Variants in FAM120B observed in about 807,000 individuals in gnomAD.
The protein encoded by FAM120B is constitutive coactivator of peroxisome proliferator-activated receptor gamma.
FAM120B carries 83 observed loss-of-function variants against 96.3 expected under a neutral mutation model. That is an observed-to-expected ratio of 0.86 (90% confidence interval 0.72 to 1.03). The LOEUF (loss-of-function observed/expected upper bound fraction) is 1.03, where lower values mean the gene tolerates loss of function less well. Ranked by LOEUF, FAM120B falls within the 50% of genes least tolerant of loss-of-function variation. The pLI, the probability that FAM120B is intolerant of heterozygous loss-of-function variation, is 0.00. For synonymous variants in FAM120B, 407 were observed against 402.7 expected (o/e 1.01, Z -0.13); for missense variants, 1,027 against 1,121.2 (o/e 0.92, Z 1.20).
At chr6:170,348,085 A>T in intron 4 of FAM120B, 66 bp from the exon 5 acceptor site, 1 of 1,291,654 alleles carries the variant, frequency 7.7e-7, no homozygotes, top group Non-Finnish European at 1.1e-6. Context: ...CTGTATTTCT[A>T]CAAGGAGCAT....
At chr6:170,385,002 C>T (rs60563581) in intron 6 of FAM120B, among the ~76,000 whole-genome samples, 16 of 152,308 alleles carry the variant, frequency 1.1e-4, no homozygotes, top group African/African-American at 2.9e-4. Context: ...CTCATCCTAA[C>T]GGACATATAG....
chr6:170,385,516 T>G (rs1790135564), intron 6 of FAM120B, among the ~76,000 whole-genome samples: 1 of 152,202 alleles, frequency 6.6e-6, no homozygotes, highest in African/African-American at 2.4e-5. Context: ...AGAAAGGTTT[T>G]TTTTATGTCA....
intron 4 of FAM120B, among the ~76,000 whole-genome samples, chr6:170,343,747 G>T (rs569217478): frequency 1.0e-3 from 154 of 152,218 alleles, no homozygotes; most frequent in Non-Finnish European, 1.8e-3. Flanking sequence ...TGGGACTGAA[G>T]AATTTGCATT....
upstream of FAM120B, among the ~76,000 whole-genome samples, chr6:170,306,071 A>AAT (rs2114985969): frequency 6.6e-6 from 1 of 152,218 alleles, no homozygotes; most frequent in East Asian, 1.9e-4. Flanking sequence ...CTCTCCTTGG[A>AAT]ATTCTCTCCC....
At position 170,363,660 on chromosome 6, in the gene FAM120B, A is replaced by T. The variant is rs183088652; in HGVS notation, c.2283+5342A>T. Among the ~76,000 whole-genome samples, 31 of 152,248 alleles carry T rather than the reference A, an allele frequency of 2.0e-4. No individual in the cohort carries two copies. Among genetic ancestry groups the T allele is most frequent in the African/African-American group, 7.2e-4 (30 of 41,466 alleles). ...GATCATAACAATAAAGTAATTCTGG[A>T]TCTCCATTTCCTTGGTAATCACTGT... On this transcript the variant is annotated intron_variant, in intron 6 of 10. Transcript: ENST00000476287. This position sits in a 1 kb window ranked among gnomAD's most constrained non-coding sequence, Gnocchi z 4.5.
chr6:170,380,390 A>G (rs1232131247), intron 6 of FAM120B, among the ~76,000 whole-genome samples: 1 of 152,154 alleles, frequency 6.6e-6, no homozygotes, highest in Non-Finnish European at 1.5e-5. Context: ...GCTGGGTCAT[A>G]TGGTAGCTCT....
intron 1 of FAM120B, among the ~76,000 whole-genome samples, chr6:170,301,305 TA>T (rs1446358393): frequency 1.3e-5 from 2 of 152,254 alleles, no homozygotes; most frequent in Admixed American, 1.3e-4. Context: ...TGGCACATTT[TA>T]GCCATGTCTA....
Position 170,318,272 on chromosome 6 carries a change from A to T in FAM120B, c.882A>T (p.Lys294Asn). The change falls in exon 2 of 11, where the codon AAA becomes AAT. Residue 294 changes from lysine to asparagine, a missense_variant. Lys to Asn is a moderately conservative substitution (Grantham distance 94). Coordinates refer to ENST00000476287, the MANE Select transcript of FAM120B (RefSeq NM_032448.3). ...AGATATTACCTCTGGGACCAAACAA[A>T]GCTCTTTTTTATAAAGGAATGGCAT... is the stretch of plus-strand genomic sequence containing the variant. ...LEEILPLGPN[K>N]ALFYKGMASY... 1.9e-6 allele frequency: 3 copies of T among 1,614,106 alleles called. No homozygotes were observed. Among genetic ancestry groups the T allele is most frequent in the Non-Finnish European group, 2.5e-6 (3 of 1,180,024 alleles).
intron 8 of FAM120B, among the ~76,000 whole-genome samples, chr6:170,394,327 T>C (rs910998256): frequency 5.9e-5 from 9 of 152,174 alleles, no homozygotes; most frequent in Admixed American, 3.3e-4. Flanking sequence ...TTGAAGTTTT[T>C]TGAGGTGATG....
intron 3 of FAM120B, among the ~76,000 whole-genome samples, chr6:170,327,227 T>C (rs1785651046): frequency 6.6e-6 from 1 of 152,030 alleles, no homozygotes; most frequent in Admixed American, 6.5e-5. Context: ...TTTGTATTTT[T>C]AGGAGAGACG....
At chr6:170,361,524 T>A (rs1788459622) in intron 6 of FAM120B, among the ~76,000 whole-genome samples, 1 of 152,100 alleles carries the variant, frequency 6.6e-6, no homozygotes, top group Admixed American at 6.6e-5. Context: ...AGGCTGCTGT[T>A]TTCTGGATAC....
At chr6:170,354,293 A>G (rs1357393951) in intron 5 of FAM120B, among the ~76,000 whole-genome samples, 3 of 152,242 alleles carry the variant, frequency 2.0e-5, no homozygotes, top group Non-Finnish European at 4.4e-5. Flanking sequence ...AAAGACTTAA[A>G]TGTAAACCCA....
At chr6:170,300,400 G>C (rs771844337) in intron 1 of FAM120B, among the ~76,000 whole-genome samples, 1 of 152,140 alleles carries the variant, frequency 6.6e-6, no homozygotes, top group Non-Finnish European at 1.5e-5. Context: ...TTCCTCCCAC[G>C]ACATGTGGGG....
intron 6 of FAM120B, among the ~76,000 whole-genome samples, chr6:170,366,836 A>G (rs1021306887): frequency 6.6e-6 from 1 of 152,302 alleles, no homozygotes; most frequent in Admixed American, 6.5e-5. Context: ...TTATGGCCTC[A>G]GGTCAGGACA....
At chr6:170,357,398 C>T (rs1788021118) in intron 5 of FAM120B, among the ~76,000 whole-genome samples, 2 of 152,140 alleles carry the variant, frequency 1.3e-5, no homozygotes, top group Admixed American at 6.5e-5. Flanking sequence ...CACGCCCTCT[C>T]CTTATCTCCA....
At chr6:170,374,590 CACA>C (rs1789400985) in intron 6 of FAM120B, among the ~76,000 whole-genome samples, 1 of 152,256 alleles carries the variant, frequency 6.6e-6, no homozygotes, top group Non-Finnish European at 1.5e-5. Context: ...TCGTTCAGAG[CACA>C]CCCTGACTTC....
chr6:170,322,856 T>C (rs1250770010), intron 2 of FAM120B, among the ~76,000 whole-genome samples: 1 of 151,956 alleles, frequency 6.6e-6, no homozygotes, highest in East Asian at 1.9e-4. Flanking sequence ...AAGATAAGAC[T>C]GGTAGACGTT....
At position 170,316,058 on chromosome 6, in the gene FAM120B, C is replaced by CAAAA. The variant is rs35344814; in HGVS notation, c.-21-1291_-21-1288dup. Among the ~76,000 whole-genome samples the CAAAA allele has an allele frequency of 2.3e-3, 206 of 91,488 alleles. 3 individuals carry two copies. The highest frequency in any genetic ancestry group is 5.0e-3 in the African/African-American group (110 of 21,902). 60.0% of individuals were successfully genotyped at this position (91,488 alleles called of 152,430 possible). A position where few individuals can be genotyped will look rare whatever the true frequency, so the allele number is the denominator to read the frequency against. ...GAGGCAACAGAGTGAGACCCGGTCT[C>CAAAA]AAAAAAAAAAAAAAAAAAAAAAAAT... On this transcript the variant is annotated intron_variant, in intron 1 of 10. Transcript: ENST00000476287.
intron 5 of FAM120B, among the ~76,000 whole-genome samples, chr6:170,351,491 A>C: frequency 6.6e-6 from 1 of 152,222 alleles, no homozygotes; most frequent in East Asian, 1.9e-4. Context: ...AAGACACATA[A>C]TCATCAGATT....
Sources: allele counts gnomAD v4.1 joint callset (sites outside exome capture counted in the v4.1 genomes callset), GRCh38; gene constraint gnomAD v4.1.1; non-coding constraint Gnocchi (gnomAD v3.1); transcripts MANE v1.5; gene names NCBI Gene and HGNC (gene_info 2026-07-23, HGNC 2026-07-21).